Variants in DLGAP5 observed in about 807,000 individuals in gnomAD.
The protein encoded by DLGAP5 is disks large-associated protein 5.
In DLGAP5, 90 loss-of-function variants were observed where a neutral mutation model predicts 99.6. The observed-to-expected ratio is 0.90, with a 90% confidence interval of 0.76 to 1.08. The LOEUF (loss-of-function observed/expected upper bound fraction) is 1.08. Among genes scored for constraint, DLGAP5 ranks in the 50% least tolerant of loss-of-function variants. The pLI, the probability that DLGAP5 is intolerant of heterozygous loss-of-function variation, is 0.00. For synonymous variants in DLGAP5, 311 were observed against 321.3 expected (o/e 0.97, Z 0.34); for missense variants, 1,036 against 983.5 (o/e 1.05, Z -0.71).
chr14:55,177,586 G>A (rs997718157), intron 7 of DLGAP5, among the ~76,000 whole-genome samples: 9 of 150,996 alleles, frequency 6.0e-5, no homozygotes, highest in Admixed American at 2.0e-4. Flanking sequence ...CGCCCAGGCT[G>A]GAGTGCAGTC....
At chr14:55,177,020 C>T (rs772876035) in intron 8 of DLGAP5, 42 bp downstream of exon 8, 3 of 752,076 alleles carry the variant, frequency 4.0e-6, no homozygotes, top group East Asian at 6.8e-5. Flanking sequence ...GCATTTATTA[C>T]CCATCTTAGC....
At chr14:55,149,337 T>C (rs542245803) in intron 18 of DLGAP5, among the ~76,000 whole-genome samples, 23 of 152,324 alleles carry the variant, frequency 1.5e-4, no homozygotes, top group African/African-American at 5.1e-4. Flanking sequence ...GGTCTCAGTT[T>C]ATGATTAAAG....
chr14:55,157,376 C>A (rs920144881), intron 14 of DLGAP5, among the ~76,000 whole-genome samples: 2 of 152,088 alleles, frequency 1.3e-5, no homozygotes, highest in African/African-American at 4.8e-5. Context: ...GGGAGTGTAG[C>A]TGCTTAAAGG....
intron 2 of DLGAP5, among the ~76,000 whole-genome samples, chr14:55,188,142 C>T (rs1883489913): frequency 6.6e-6 from 1 of 152,186 alleles, no homozygotes; most frequent in South Asian, 2.1e-4. Context: ...CTGCCATTCC[C>T]TATTTATCCT....
intron 15 of DLGAP5, among the ~76,000 whole-genome samples, chr14:55,153,944 T>C (rs975046062): frequency 6.6e-6 from 1 of 152,056 alleles, no homozygotes; most frequent in African/African-American, 2.4e-5. Flanking sequence ...TAGTCCTAGC[T>C]ACTCGGGAGG....
At chr14:55,185,632 C>A (rs1403947482) in intron 2 of DLGAP5, among the ~76,000 whole-genome samples, 1 of 152,162 alleles carries the variant, frequency 6.6e-6, no homozygotes, top group African/African-American at 2.4e-5. Context: ...TACAGGCATG[C>A]GCCACTGCGC....
intron 1 of DLGAP5, chr14:55,191,197 T>A (rs989840130): frequency 3.3e-5 from 5 of 152,138 alleles, no homozygotes; most frequent in Non-Finnish European, 7.3e-5. Flanking sequence ...CTACGGGAAT[T>A]TAATGTCGGA....
rs374278216 is a variant in DLGAP5, at chr14:55,158,565, A to G, written c.1830T>C (p.Asp610=). ...IPKEVDKIVF[D]AGFFRVESPV... ...GACTTTCAACTCTGAAAAATCCAGC[A>G]TCGAACACTATTTTATCAACTTCCT... is the stretch of plus-strand genomic sequence containing the variant. Residue 610 remains aspartate, a synonymous_variant, in exon 14 of 19, where the codon GAT becomes GAC. Coordinates refer to ENST00000247191, the MANE Select transcript of DLGAP5 (RefSeq NM_014750.5). 7.6e-5 allele frequency: 122 copies of G among 1,614,034 alleles called. 1 individual carries two copies. The highest frequency in any genetic ancestry group is 1.6e-4 in the Middle Eastern group (1 of 6,082).
At chr14:55,162,948 G>A in intron 13 of DLGAP5, 23 bp downstream of exon 13, 1 of 1,337,564 alleles carries the variant, frequency 7.5e-7, no homozygotes, top group East Asian at 2.4e-5. Flanking sequence ...AAAAAAAATT[G>A]GATATAAAAC....
At chr14:55,175,080 G>C (rs1488301744) in intron 10 of DLGAP5, among the ~76,000 whole-genome samples, 1 of 152,190 alleles carries the variant, frequency 6.6e-6, no homozygotes, top group African/African-American at 2.4e-5. Flanking sequence ...CACAAGAAAT[G>C]AGTAACACTT....
In DLGAP5 at chr14:55,175,916, A is replaced by G. The variant is rs144529570; in HGVS notation, c.1152T>C (p.Gly384=). Residue 384 remains glycine, a synonymous_variant, in exon 9 of 19, where the codon GGT becomes GGC. Transcript: ENST00000247191. ...QDSNKLPCPL[G]PLTVWHEEHV... ...TACCTTCATGCCAAACAGTTAGAGG[A>G]CCCAAAGGACATGGCAATTTATTTG... is the stretch of plus-strand genomic sequence containing the variant. The G allele has an allele frequency of 2.6e-4, 423 of 1,605,126 alleles. No individual in the cohort carries two copies. The highest frequency in any genetic ancestry group is 3.4e-4 in the Non-Finnish European group (400 of 1,174,526).
At chr14:55,162,235 A>G (rs1406562986) in intron 13 of DLGAP5, among the ~76,000 whole-genome samples, 1 of 152,220 alleles carries the variant, frequency 6.6e-6, no homozygotes. Context: ...TATATAAAGT[A>G]ATTGGAATAA....
intron 18 of DLGAP5, among the ~76,000 whole-genome samples, chr14:55,149,474 T>C (rs962999339): frequency 2.0e-5 from 3 of 152,180 alleles, no homozygotes; most frequent in Non-Finnish European, 4.4e-5. Flanking sequence ...AAAGACAAGA[T>C]ATACAAGGGT....
At chr14:55,154,956 T>C (rs544672133) in intron 14 of DLGAP5, 150 bp from the exon 15 acceptor site, 46 of 680,836 alleles carry the variant, frequency 6.8e-5, no homozygotes, top group African/African-American at 6.0e-4. Flanking sequence ...CTGTTAAAGA[T>C]AGTATTTAAA....
At chr14:55,186,518 C>G (rs911494209) in intron 2 of DLGAP5, among the ~76,000 whole-genome samples, 2 of 152,220 alleles carry the variant, frequency 1.3e-5, no homozygotes, top group Non-Finnish European at 2.9e-5. Context: ...CCTCCCCACT[C>G]TTCTTTTCAT....
chr14:55,175,733 CCT>C (rs1158075104), intron 9 of DLGAP5, among the ~76,000 whole-genome samples, 159 bp downstream of exon 9: 1 of 151,926 alleles, frequency 6.6e-6, no homozygotes, highest in African/African-American at 2.4e-5. Flanking sequence ...CTTTTCTGAC[CCT>C]GAGTTCACAT....
At chr14:55,157,253 G>A (rs2140307450) in intron 14 of DLGAP5, among the ~76,000 whole-genome samples, 1 of 152,288 alleles carries the variant, frequency 6.6e-6, no homozygotes, top group East Asian at 1.9e-4. Context: ...ACTGAGTTGA[G>A]TATATGAAAG....
chr14:55,183,978 T>C (rs2139530929), intron 2 of DLGAP5, among the ~76,000 whole-genome samples: 1 of 152,042 alleles, frequency 6.6e-6, no homozygotes, highest in South Asian at 2.1e-4. Flanking sequence ...CGTGGTGAAA[T>C]CCCATCTCTA....
At chr14:55,156,046 G>A (rs902915113) in intron 14 of DLGAP5, among the ~76,000 whole-genome samples, 4 of 151,640 alleles carry the variant, frequency 2.6e-5, no homozygotes, top group South Asian at 2.1e-4. Context: ...TGCTGAGATC[G>A]TGCCACTGCA....
Sources: allele counts gnomAD v4.1 joint callset (sites outside exome capture counted in the v4.1 genomes callset), GRCh38; gene constraint gnomAD v4.1.1; transcripts MANE v1.5; gene names NCBI Gene and HGNC (gene_info 2026-07-23, HGNC 2026-07-21).